The following FUCA1 variants were observed in gnomAD, a reference collection of about 807,000 sequenced individuals.
The protein encoded by FUCA1 is alpha-L-fucosidase 1.
FUCA1 carries 52 observed loss-of-function variants against 56.8 expected under a neutral mutation model. The observed-to-expected ratio is 0.92, with a 90% CI of 0.73 to 1.15. The LOEUF is 1.15. Ranked by LOEUF, FUCA1 falls within the 50% of genes most tolerant of loss-of-function variation. The pLI, the probability that FUCA1 is intolerant of heterozygous loss-of-function variation, is 0.00. For missense variants in FUCA1, 568 were observed against 592.6 expected, an observed-to-expected ratio of 0.96 and a Z score of 0.43; for synonymous variants, 230 against 226.6, an observed-to-expected ratio of 1.02 and a Z score of -0.14.
At chr1:23,859,695 T>C in intron 4 of FUCA1, 103 bp downstream of exon 4, 8 of 739,674 alleles carry the variant, frequency 1.1e-5, no homozygotes, top group Non-Finnish European at 2.5e-6. Context: ...ATGTTGATAT[T>C]CCTGTTTATT....
rs995232619 is a variant in FUCA1 at position 23,858,803 on chromosome 1, A to G, written c.768+995T>C. Among the ~76,000 whole-genome samples the G allele has an allele frequency of 3.3e-5, 5 of 152,164 alleles. 1 individual carries two copies. Among genetic ancestry groups the G allele is most frequent in the African/African-American group, 1.2e-4 (5 of 41,432 alleles). Reference sequence around the variant, plus strand: ...TTCACTGTCACGCAGGCTGGAGTACAATGGCGTGATCTAGGTTCATTACAG... The same window carrying G: ...TTCACTGTCACGCAGGCTGGAGTACGATGGCGTGATCTAGGTTCATTACAG... On this transcript the variant is annotated intron_variant, in intron 4 of 7. Coordinates refer to ENST00000374479, the MANE Select transcript of FUCA1 (RefSeq NM_000147.5).
At chr1:23,863,363 G>C in intron 2 of FUCA1, 92 bp from the exon 3 acceptor site, 1 of 1,299,090 alleles carries the variant, frequency 7.7e-7, no homozygotes, top group South Asian at 1.3e-5. Context: ...TTTCATTTCA[G>C]TGGCACTCAC....
chr1:23,865,496 C>T lies in FUCA1; in HGVS notation c.519G>A (p.Arg173=). The T allele has an allele frequency of 6.2e-7, 1 of 1,614,244 alleles. No individual in the cohort carries two copies. The highest frequency in any genetic ancestry group is 8.5e-7 in the Non-Finnish European group (1 of 1,180,044). ...DLVGELGTAL[R]KRNIRYGLYH... ...AACCATCCCTGGACACTCACCTCTTCCGGAGAGCTGTTCCCAATTCACCAA... is the reference window on the plus strand; with the variant it reads ...AACCATCCCTGGACACTCACCTCTTTCGGAGAGCTGTTCCCAATTCACCAA... The change falls in exon 2 of 8, where the codon CGG becomes CGA. Residue 173 remains arginine (R), a synonymous_variant. Coordinates refer to ENST00000374479, the MANE Select transcript of FUCA1 (RefSeq NM_000147.5).
At chr1:23,856,192 C>T (rs1639385644) in intron 4 of FUCA1, among the ~76,000 whole-genome samples, 1 of 152,256 alleles carries the variant, frequency 6.6e-6, no homozygotes, top group Admixed American at 6.5e-5. Context: ...ACCCACCTCA[C>T]AGGGGTTTGA....
rs372002554 is a variant in FUCA1 at position 23,852,870 on chromosome 1, G to A, written c.969+1490C>T. Reference sequence around the variant, plus strand: ...GCCTGCCTTGGCCTCCCAAAGTGCCGAGATTGCAGCCTCTGCCCGGCCGCC... The same window carrying A: ...GCCTGCCTTGGCCTCCCAAAGTGCCAAGATTGCAGCCTCTGCCCGGCCGCC... On this transcript the variant is annotated intron_variant, in intron 5 of 7. Coordinates refer to ENST00000374479, the MANE Select transcript of FUCA1 (RefSeq NM_000147.5). Among the ~76,000 whole-genome samples, 443 of 151,916 alleles carry A rather than the reference G, an allele frequency of 2.9e-3. 4 individuals carry two copies. The highest frequency in any genetic ancestry group is 0.022 in the Admixed American group (334 of 15,232).
Position 23,867,204 on chromosome 1 carries a change from C to T in FUCA1, c.389+694G>A, listed in dbSNP as rs1053410566. ...ACAGGGCTCTCAAGGCTCACTCCTTCAGGACAAGCCCCTGCCTTGACAACT... is the reference window on the plus strand; with the variant it reads ...ACAGGGCTCTCAAGGCTCACTCCTTTAGGACAAGCCCCTGCCTTGACAACT... On this transcript the variant is annotated intron_variant, in intron 1 of 7. Transcript: ENST00000374479. The surrounding 1 kb of genome is among the most constrained non-coding windows in gnomAD (Gnocchi z 4.9). Among the ~76,000 whole-genome samples the T allele has an allele frequency of 6.6e-6, 1 of 152,162 alleles. No individual in the cohort carries two copies. Among genetic ancestry groups the T allele is most frequent in the African/African-American group, 2.4e-5 (1 of 41,422 alleles).
At chr1:23,845,919 G>C in intron 7 of FUCA1, 64 bp from the exon 8 acceptor site, 1 of 1,602,852 alleles carries the variant, frequency 6.2e-7, no homozygotes, top group Non-Finnish European at 8.5e-7. Context: ...AATACAGGCT[G>C]ACTATGGTAG....
Position 23,853,424 on chromosome 1 carries a change from C to T in FUCA1, c.969+936G>A, listed in dbSNP as rs1204407300. On this transcript the variant is annotated intron_variant, in intron 5 of 7. Coordinates refer to ENST00000374479, the MANE Select transcript of FUCA1 (RefSeq NM_000147.5). The stretch of plus-strand genomic sequence containing the variant: ...CAGCCCCCCGCCTGGCCAGCCGCCC[C>T]GTCCGGGAGGGAGGTGGGGGGGTCA... Among the ~76,000 whole-genome samples, 4 of 146,708 alleles carry T rather than the reference C, an allele frequency of 2.7e-5. No homozygotes were observed. The East Asian group carries it at 5.9e-4, about 22-fold the overall frequency.
In FUCA1 at chr1:23,853,164, C is replaced by T. The variant is rs1209245341; in HGVS notation, c.969+1196G>A. Among the ~76,000 whole-genome samples the T allele has an allele frequency of 4.0e-5, 6 of 150,630 alleles. No homozygotes were observed. The East Asian group carries it at 5.9e-4, about 15-fold the overall frequency. ...GATGTGAGGAGCGCCTCTGCCCGGCCGCGACCCCGTCTGGGAGGTGAGGAG... is the reference window on the plus strand; with the variant it reads ...GATGTGAGGAGCGCCTCTGCCCGGCTGCGACCCCGTCTGGGAGGTGAGGAG... On this transcript the variant is annotated intron_variant, in intron 5 of 7. Transcript: ENST00000374479.
At chr1:23,847,843 G>A (rs1018422429) in intron 6 of FUCA1, among the ~76,000 whole-genome samples, 1 of 152,128 alleles carries the variant, frequency 6.6e-6, no homozygotes, top group Non-Finnish European at 1.5e-5. Flanking sequence ...CCAACATGGT[G>A]AAACCCCATC....
chr1:23,845,472 C>CA lies in FUCA1; in HGVS notation c.*242dup, dbSNP rs769882253. Reference sequence around the variant, plus strand: ...TTCCAAATATTACAATTGATGAACTCAGAGTTCAACTGCTCAGTTCCTTCT... The same window carrying CA: ...TTCCAAATATTACAATTGATGAACTCAAGAGTTCAACTGCTCAGTTCCTTCT... On this transcript the variant is annotated 3_prime_UTR_variant, in exon 8 of 8. Coordinates refer to ENST00000374479, the MANE Select transcript of FUCA1 (RefSeq NM_000147.5). 7.2e-5 allele frequency: 40 copies of CA among 558,704 alleles called. No individual in the cohort carries two copies. The highest frequency in any genetic ancestry group is 1.1e-4 in the Non-Finnish European group (34 of 312,366). The allele number at this position is 558,704 out of a possible 1,614,324, so 34.6% of individuals were successfully genotyped here.
In FUCA1 at chr1:23,848,703, A is replaced by G; in HGVS notation, c.1106T>C (p.Ile369Thr). ...GKWLSINGEA[I>T]YASKPWRVQW... ...CACCCGCCATGGTTTGGAGGCATAGATAGCCTCCCCATTGATGCTCAGCCA... is the reference window on the plus strand; with the variant it reads ...CACCCGCCATGGTTTGGAGGCATAGGTAGCCTCCCCATTGATGCTCAGCCA... The change falls in exon 6 of 8, where the codon ATC (isoleucine) becomes ACC (threonine). Residue 369 changes from isoleucine (I) to threonine (T), a missense_variant. Transcript: ENST00000374479. 1 of 1,614,092 alleles carries G rather than the reference A, an allele frequency of 6.2e-7. No homozygotes were observed. The highest frequency in any genetic ancestry group is 1.1e-5 in the South Asian group (1 of 91,084).
rs1345420197 is a variant in FUCA1, at chr1:23,859,138, G to T, written c.768+660C>A. ...TATTATATGTTTTAATATCTTTTTGGTGGTTTTCTCATTTATAACATTTGT... is the reference window on the plus strand; with the variant it reads ...TATTATATGTTTTAATATCTTTTTGTTGGTTTTCTCATTTATAACATTTGT... On this transcript the variant is annotated intron_variant, in intron 4 of 7. Coordinates refer to ENST00000374479, the MANE Select transcript of FUCA1 (RefSeq NM_000147.5). Among the ~76,000 whole-genome samples, 5 of 151,964 alleles carry T rather than the reference G, an allele frequency of 3.3e-5. No homozygotes were observed. The East Asian group carries it at 9.7e-4, about 29-fold the overall frequency.
chr1:23,853,245 G>A (rs1428719128), intron 5 of FUCA1, among the ~76,000 whole-genome samples: 3 of 148,248 alleles, frequency 2.0e-5, no homozygotes, highest in South Asian at 2.1e-4. Context: ...CCTGGCAACC[G>A]CCCCATATGA....
At position 23,867,782 on chromosome 1, in the gene FUCA1, G is replaced by T; in HGVS notation, c.389+116C>A. The T allele has an allele frequency of 7.0e-7, 1 of 1,427,998 alleles. No individual in the cohort carries two copies. Among genetic ancestry groups the T allele is most frequent in the Non-Finnish European group, 9.1e-7 (1 of 1,100,380 alleles). 88.5% of individuals were successfully genotyped at this position (1,427,998 alleles called of 1,614,324 possible). ...CCTGTGGCCGCAGGAGGCCACACGC[G>T]GGCCCCGGGGTCATGGGGGCGACCG... On this transcript the variant is annotated intron_variant, in intron 1 of 7. Transcript: ENST00000374479. This position sits in a 1 kb window ranked among gnomAD's most constrained non-coding sequence, Gnocchi z 4.9.
chr1:23,860,120 T>G (rs112108250), intron 3 of FUCA1, among the ~76,000 whole-genome samples: 181 of 152,284 alleles, frequency 1.2e-3, no homozygotes, highest in African/African-American at 4.1e-3. Flanking sequence ...GGACTACAGG[T>G]GCACATCACT....
intron 3 of FUCA1, among the ~76,000 whole-genome samples, chr1:23,861,309 C>T (rs1386330881): frequency 1.3e-4 from 14 of 110,912 alleles, no homozygotes; most frequent in African/African-American, 1.5e-4. Context: ...GGCGACGGAG[C>T]GAGACTCCGT....
chr1:23,850,659 G>C (rs1408089819), intron 5 of FUCA1, among the ~76,000 whole-genome samples: 1 of 151,848 alleles, frequency 6.6e-6, no homozygotes, highest in Non-Finnish European at 1.5e-5. Flanking sequence ...AATTTTTTTT[G>C]TATTTTTTAG....
Position 23,846,189 on chromosome 1 carries a change from C to T in FUCA1, c.1161-16G>A. The T allele has an allele frequency of 1.3e-6, 2 of 1,523,776 alleles. No individual in the cohort carries two copies. Among genetic ancestry groups the T allele is most frequent in the Non-Finnish European group, 1.8e-6 (2 of 1,097,814 alleles). 94.4% of individuals were successfully genotyped at this position (1,523,776 alleles called of 1,614,324 possible). ...TGAGGTATACCTGGGAAAACAGAAACAACACTGTCAAAGATACCTGACTTG... is the reference window on the plus strand; with the variant it reads ...TGAGGTATACCTGGGAAAACAGAAATAACACTGTCAAAGATACCTGACTTG... On this transcript the variant is annotated splice_polypyrimidine_tract_variant and intron_variant, in intron 6 of 7. Transcript: ENST00000374479.
Sources: gnomAD v4.1 joint callset for allele counts (sites outside exome capture counted in the v4.1 genomes callset) on GRCh38, gnomAD v4.1.1 for gene constraint, Gnocchi (gnomAD v3.1) non-coding constraint, MANE v1.5 for transcripts, NCBI Gene and HGNC (gene_info 2026-07-23, HGNC 2026-07-21) for gene names.